Variants in CDKL5 observed in about 807,000 individuals in gnomAD.
The protein encoded by CDKL5 is cyclin-dependent kinase-like 5.
A neutral mutation model predicts 61.7 loss-of-function variants in CDKL5; 8 were observed. The ratio of observed to expected loss-of-function variants is 0.13; its 90% confidence interval spans 0.08 to 0.23. The LOEUF (loss-of-function observed/expected upper bound fraction) is 0.23. CDKL5 is among the 10% of genes least tolerant of loss of function. The pLI, the probability that CDKL5 is intolerant of heterozygous loss-of-function variation, is 1.00. For synonymous variants in CDKL5, 275 were observed against 272.3 expected, an observed-to-expected ratio of 1.01 and a Z score of -0.10; for missense variants, 440 against 734.5, an observed-to-expected ratio of 0.60 and a Z score of 4.63.
At chrX:18,589,142 G>GT (rs201174114) in intron 9 of CDKL5, 2,517 of 101,366 alleles carry the variant, frequency 0.025, 75 homozygotes, top group African/African-American at 0.079. Flanking sequence ...TTTTCAGCCA[G>GT]TTTTTTTTTT....
intron 3 of CDKL5, among the ~76,000 whole-genome samples, chrX:18,558,897 T>C (rs755606982): frequency 8.9e-5 from 10 of 112,252 alleles, no homozygotes; most frequent in Non-Finnish European, 1.9e-4. Flanking sequence ...CATCCTAGGA[T>C]TCGGAGTCCC....
At chrX:18,568,784 C>G (rs1021768339) in intron 4 of CDKL5, among the ~76,000 whole-genome samples, 1 of 110,461 alleles carries the variant, frequency 9.1e-6, no homozygotes. Context: ...GCCTTGAACT[C>G]CTGGGCTCAA....
intron 1 of CDKL5, among the ~76,000 whole-genome samples, chrX:18,477,223 C>T (rs1173999276): frequency 9.0e-6 from 1 of 111,729 alleles, no homozygotes; most frequent in Non-Finnish European, 1.9e-5. Flanking sequence ...CGTGCCACCA[C>T]GCCTGGCTAA....
chrX:18,646,050 C>T (rs759862340), exon 20 of CDKL5: 2 of 1,211,926 alleles, frequency 1.7e-6, no homozygotes, highest in East Asian at 5.9e-5. Flanking sequence ...ATTCTGGACC[C>T]CAAGATAGAC....
rs184396867 is a variant in CDKL5, at chrX:18,442,836, A to G, written c.-163+17141A>G. Among the ~76,000 whole-genome samples, 75 of 112,158 alleles carry G rather than the reference A, an allele frequency of 6.7e-4. 1 individual carries two copies. In the East Asian group the frequency reaches 0.015, roughly 22 times the overall value. On this transcript the variant is annotated intron_variant, in intron 1 of 17. Coordinates refer to ENST00000623535, the MANE Select transcript of CDKL5 (RefSeq NM_001323289.2). ...AAAGTCTTGAATTTGAAATTAGTTC[A>G]GCTCTTTTTCATTGTAGTTCTCTTA...
At chrX:18,623,914 G>A in intron 16 of CDKL5, 1 of 740,634 alleles carries the variant, frequency 1.4e-6, no homozygotes, top group Middle Eastern at 7.7e-4. Flanking sequence ...CAAGCATCAA[G>A]AAATCCCTCT....
intron 15 of CDKL5, among the ~76,000 whole-genome samples, chrX:18,616,888 C>T (rs1375011762): frequency 2.7e-5 from 3 of 110,908 alleles, no homozygotes; most frequent in African/African-American, 6.6e-5. Context: ...CACTTCAGCT[C>T]ACCTTCCATG....
intron 15 of CDKL5, among the ~76,000 whole-genome samples, chrX:18,617,042 TTC>T (rs1351947888): frequency 3.6e-5 from 4 of 112,037 alleles, no homozygotes; most frequent in Non-Finnish European, 1.9e-5. Context: ...TCTTTTATTT[TTC>T]TCTGTTTCTT....
rs1272673483 is a variant in CDKL5, at chrX:18,598,473, G to A, written c.837G>A (p.Lys279=). The change falls in exon 11 of 18, where the codon AAG becomes AAA. Residue 279 remains lysine (K), a synonymous_variant. Transcript: ENST00000623535. ...VLLDLMKNLL[K]LDPADRYLTE... Reference sequence around the variant, plus strand: ...TTTTATTTCCTAAGAATTTACTGAAGTTGGACCCAGCTGACAGATACTTGA... The same window carrying A: ...TTTTATTTCCTAAGAATTTACTGAAATTGGACCCAGCTGACAGATACTTGA... 1 of 1,207,165 alleles carries A rather than the reference G, an allele frequency of 8.3e-7. No individual in the cohort carries two copies. The highest frequency in any genetic ancestry group is 1.8e-5 in the South Asian group (1 of 56,872).
rs144971097 is a variant in CDKL5 at position 18,652,019 on chromosome X, C to G, written c.2981-1413C>G. Among the ~76,000 whole-genome samples the G allele has an allele frequency of 4.2e-3, 466 of 110,328 alleles. 2 individuals carry two copies. The highest frequency in any genetic ancestry group is 0.011 in the Admixed American group (116 of 10,382). The stretch of plus-strand genomic sequence containing the variant: ...TGAGCTGGCTGAGGGGCCCCAGGTG[C>G]TACCTCCCCAGCACCCTTCACACCT... On this transcript the variant is annotated intron_variant, in intron 21 of 21. Coordinates refer to the CDKL5 transcript ENST00000379989.
intron 1 of CDKL5, among the ~76,000 whole-genome samples, chrX:18,495,592 C>G (rs750494609): frequency 8.9e-6 from 1 of 111,836 alleles, no homozygotes. Context: ...TTCCTTTCTA[C>G]CAGGGACAAA....
intron 3 of CDKL5, among the ~76,000 whole-genome samples, chrX:18,544,286 A>G (rs1331990598): frequency 8.9e-6 from 1 of 112,332 alleles, no homozygotes; most frequent in African/African-American, 3.2e-5. Context: ...TCTCAGGGAT[A>G]CAACCCCATG....
Position 18,628,738 on chromosome X carries a change from T to G in CDKL5, c.2864T>G (p.Leu955Ter). The G allele has an allele frequency of 1.1e-6, 1 of 939,658 alleles. No individual in the cohort carries two copies. The highest frequency in any genetic ancestry group is 8.3e-5 in the East Asian group (1 of 12,102). The allele number at this position is 939,658 out of a possible 1,213,427, so 77.4% of individuals were successfully genotyped here. A position where few individuals can be genotyped will look rare whatever the true frequency, so the allele number is the denominator to read the frequency against. ...TCACGAATGCCAAATCTGAATGATT[T>G]AAAAGAGACAGCCTTGTAATTTGTG... ...NRSRMPNLND[L>*]KETAL Residue 955 changes from leucine (L) to a stop codon, truncating the protein, a stop_gained, in exon 18 of 18, where the codon TTA (leucine) becomes TGA (stop). Transcript: ENST00000623535. LOFTEE classifies it high-confidence loss of function.
intron 2 of CDKL5, among the ~76,000 whole-genome samples, chrX:18,507,387 AT>A (rs766030612): frequency 9.4e-6 from 1 of 106,550 alleles, no homozygotes; most frequent in Non-Finnish European, 1.9e-5. Context: ...TAAATCAAAG[AT>A]TTTTTTCCCT....
chrX:18,647,676 T>C, intron 20 of CDKL5: 1 of 245,069 alleles, frequency 4.1e-6, no homozygotes. Context: ...AGGTGCACAG[T>C]GAAATACCAT....
Position 18,635,719 on chromosome X carries a change from G to C in CDKL5, c.*6962G>C, listed in dbSNP as rs1026601816. On this transcript the variant is annotated 3_prime_UTR_variant, in exon 18 of 18. Transcript: ENST00000623535. ...GACACTCACGTGGTAGTTTGAGGAG[G>C]ATGGGAAGAGAGGCCAATCTTGTGC... The C allele has an allele frequency of 8.2e-6, 4 of 487,765 alleles. No homozygotes were observed. The highest frequency in any genetic ancestry group is 1.0e-5 in the Non-Finnish European group (4 of 395,985). 40.2% of individuals were successfully genotyped at this position (487,765 alleles called of 1,213,427 possible).
chrX:18,588,127 G>A lies in CDKL5; in HGVS notation c.728G>A (p.Arg243His), dbSNP rs1465351962. 8.3e-7 allele frequency: 1 copy of A among 1,208,473 alleles called. No homozygotes were observed. The highest frequency in any genetic ancestry group is 1.1e-6 in the Non-Finnish European group (1 of 893,101). Residue 243 changes from arginine to histidine, a missense_variant, in exon 9 of 18, where the codon CGC (arginine) becomes CAC (histidine). Arg to His is a conservative substitution (Grantham distance 29, BLOSUM62 0). Around this residue, in one of 2 missense-constraint regions of CDKL5, gnomAD observed 77 missense variants for 218.2 expected, o/e 0.35. Transcript: ENST00000623535. ...EQMKLFYSNP[R>H]FHGLRFPAVN... is the part of the protein sequence containing the mutation. ...ATGAAGCTTTTCTACAGTAATCCTCGCTTCCATGGGCTCCGGGTAAGAGGT... is the reference window on the plus strand; with the variant it reads ...ATGAAGCTTTTCTACAGTAATCCTCACTTCCATGGGCTCCGGGTAAGAGGT...
intron 17 of CDKL5, chrX:18,627,794 C>CA (rs60267091): frequency 0.015 from 571 of 39,039 alleles, 2 homozygotes; most frequent in East Asian, 0.039. Context: ...AAAAAAAAAG[C>CA]AAAAAAAAAA....
chrX:18,639,545 C>T lies in CDKL5; in HGVS notation c.*10788C>T, dbSNP rs1009706414. ...ATGTGGAGAAAGTGGAAGCCTCCTA[C>T]ATTGCTGGTGGAAATGTAAAATGAT... On this transcript the variant is annotated 3_prime_UTR_variant, in exon 18 of 18. Coordinates refer to ENST00000623535, the MANE Select transcript of CDKL5 (RefSeq NM_001323289.2). Among the ~76,000 whole-genome samples, 3 of 112,405 alleles carry T rather than the reference C, an allele frequency of 2.7e-5. No individual in the cohort carries two copies. In the South Asian group the frequency reaches 1.1e-3, roughly 42 times the overall value.
Sources: allele counts gnomAD v4.1 joint callset (sites outside exome capture counted in the v4.1 genomes callset), GRCh38; gene constraint gnomAD v4.1.1; regional missense constraint gnomAD v4.1.1; transcripts MANE v1.5; gene names NCBI Gene and HGNC (gene_info 2026-07-23, HGNC 2026-07-21).